ZACN: variants seen among roughly 807,000 people sequenced by gnomAD.
The protein encoded by ZACN is zinc activated ion channel.
Under a neutral mutation model 38.9 loss-of-function variants are expected in ZACN, and 52 were observed. The ratio of observed to expected loss-of-function variants is 1.34; its 90% confidence interval spans 1.07 to 1.68. The LOEUF (loss-of-function observed/expected upper bound fraction) is 1.68. Ranked by LOEUF, ZACN falls within the 40% of genes most tolerant of loss-of-function variation. The pLI is 0.00. For missense variants in ZACN, 559 were observed against 525.6 expected, an observed-to-expected ratio of 1.06 and a Z score of -0.62; for synonymous variants, 235 against 227.4, an observed-to-expected ratio of 1.03 and a Z score of -0.30.
chr17:76,081,921 G>A lies in ZACN; in HGVS notation c.920G>A (p.Ser307Asn), dbSNP rs576164907. The A allele has an allele frequency of 5.3e-5, 85 of 1,613,118 alleles. No homozygotes were observed. In the South Asian group the frequency reaches 8.6e-4, roughly 16 times the overall value. Residue 307 changes from serine (S) to asparagine (N), a missense_variant, in exon 8 of 9, where the codon AGC becomes AAC. Ser to Asn is a conservative substitution (Grantham distance 46, BLOSUM62 1). Transcript: ENST00000334586. Reference sequence around the variant, plus strand: ...ATCCTGCTGCTGCTGCTCTTCCTCAGCACCATAGAGACTGTGCTGCTGGCT... The same window carrying A: ...ATCCTGCTGCTGCTGCTCTTCCTCAACACCATAGAGACTGTGCTGCTGGCT... ...FTILLLLLFLSTIETVLLAGL... is the reference protein window; with the variant it reads ...FTILLLLLFLNTIETVLLAGL...
At position 76,079,764 on chromosome 17, in the gene ZACN, G is replaced by C. The variant is rs759113634; in HGVS notation, c.267+18G>C. The C allele has an allele frequency of 3.1e-6, 5 of 1,612,446 alleles. No individual in the cohort carries two copies. The highest frequency in any genetic ancestry group is 4.2e-6 in the Non-Finnish European group (5 of 1,179,106). ...TTAGGCTGGTGAGCTCCTATGCCTG[G>C]GGAGGTGGGATGGGAAAGCCCAGCT... On this transcript the variant is annotated intron_variant, in intron 3 of 8. Coordinates refer to ENST00000334586, the MANE Select transcript of ZACN (RefSeq NM_180990.4).
chr17:76,081,016 T>C (rs1421333826), intron 5 of ZACN: 1 of 436,988 alleles, frequency 2.3e-6, no homozygotes, highest in South Asian at 2.0e-5. Flanking sequence ...CCCTCCATCA[T>C]GAAGTGGTGC....
intron 8 of ZACN, 33 bp from the exon 9 acceptor site, chr17:76,082,430 G>C: frequency 6.4e-7 from 1 of 1,563,866 alleles, no homozygotes; most frequent in East Asian, 2.3e-5. Flanking sequence ...GGACCTTGAA[G>C]AACAGCTCCT....
rs765713187 is a variant in ZACN at position 76,079,573 on chromosome 17, T to A, written c.222+10T>A. On this transcript the variant is annotated intron_variant, in intron 2 of 8. Coordinates refer to ENST00000334586, the MANE Select transcript of ZACN (RefSeq NM_180990.4). ...CAACGTGTTTAATGTGGTAAGTGCC[T>A]CTAGGCCAAGGGCCCCAAGTGCTGA... 6.2e-7 allele frequency: 1 copy of A among 1,614,140 alleles called. No individual in the cohort carries two copies. Among genetic ancestry groups the A allele is most frequent in the Non-Finnish European group, 8.5e-7 (1 of 1,179,996 alleles).
In ZACN at chr17:76,079,279, G is replaced by A. The variant is rs1024227183; in HGVS notation, c.15G>A (p.Trp5Ter). The part of the protein sequence containing the change: MMAL[W>*]SLLHLTFLGF... ...CCGTGCAGCCGATGATGGCCCTATGGTCCCTGCTCCATCTCACCTTCCTGG... is the reference window on the plus strand; with the variant it reads ...CCGTGCAGCCGATGATGGCCCTATGATCCCTGCTCCATCTCACCTTCCTGG... The change falls in exon 1 of 9, where the codon TGG becomes TGA. Residue 5 changes from tryptophan (W) to a stop codon, truncating the protein, a stop_gained. Transcript: ENST00000334586. LOFTEE classifies it high-confidence loss of function. 6 of 1,613,600 alleles carry A rather than the reference G, an allele frequency of 3.7e-6. No individual in the cohort carries two copies. The highest frequency in any genetic ancestry group is 5.1e-6 in the Non-Finnish European group (6 of 1,179,770).
intron 5 of ZACN, 176 bp downstream of exon 5, chr17:76,080,600 A>G: frequency 4.4e-6 from 4 of 913,474 alleles, no homozygotes; most frequent in Non-Finnish European, 5.2e-6. Context: ...TTAGGCGGGC[A>G]GCACCTGCTC....
rs1208939351 is a variant in ZACN at position 76,079,978 on chromosome 17, C to T, written c.358C>T (p.Leu120Phe). The change falls in exon 4 of 9, where the codon CTC (leucine) becomes TTC (phenylalanine). Residue 120 changes from leucine (L) to phenylalanine (F), a missense_variant. Transcript: ENST00000334586. ...LPWESLWTPR[L>F]TILEALWVDW... ...CTGGGAGTCTCTCTGGACACCAAGGCTCACCATCCTGGAGGCGTAAGTGAG... is the reference window on the plus strand; with the variant it reads ...CTGGGAGTCTCTCTGGACACCAAGGTTCACCATCCTGGAGGCGTAAGTGAG... The T allele has an allele frequency of 4.4e-6, 7 of 1,585,266 alleles. No homozygotes were observed. Among genetic ancestry groups the T allele is most frequent in the South Asian group, 1.2e-5 (1 of 86,748 alleles).
chr17:76,081,651 T>C lies in ZACN; in HGVS notation c.776T>C (p.Ile259Thr), dbSNP rs1184307264. 3.1e-6 allele frequency: 5 copies of C among 1,614,150 alleles called. No individual in the cohort carries two copies. Among genetic ancestry groups the C allele is most frequent in the South Asian group, 1.1e-5 (1 of 91,090 alleles). ...VCGGLLPLRA[I>T]ERIGYKVTLL... is the part of the protein sequence containing the mutation. ...GGGGGGTTGCTGCCCCTCCGGGCCA[T>C]TGAGCGCATAGGCTACAAGGTGACA... The change falls in exon 7 of 9, where the codon ATT (isoleucine) becomes ACT (threonine). Residue 259 changes from isoleucine to threonine, a missense_variant. Physicochemically the swap from Ile to Thr is moderately conservative, Grantham distance 89. Coordinates refer to ENST00000334586, the MANE Select transcript of ZACN (RefSeq NM_180990.4).
In ZACN at chr17:76,081,402, G is replaced by A. The variant is rs145200784; in HGVS notation, c.669G>A (p.Thr223=). ...PQQLVPCFQV[T]LRLKNTALKS... ...AGCTGGTGCCCTGCTTCCAGGTGAC[G>A]GTGAGTCAAGTCGGGAGGAGGCCGA... Residue 223 remains threonine, a splice_region_variant and synonymous_variant, in exon 6 of 9, where the codon ACG becomes ACA. Transcript: ENST00000334586. The A allele has an allele frequency of 1.8e-4, 288 of 1,614,066 alleles. No homozygotes were observed. In the East Asian group the frequency reaches 3.0e-3, roughly 17 times the overall value.
chr17:76,079,284 T>C lies in ZACN; in HGVS notation c.20T>C (p.Leu7Pro), dbSNP rs749020346. Residue 7 changes from leucine (L) to proline (P), a missense_variant, in exon 1 of 9, where the codon CTG becomes CCG. Transcript: ENST00000334586. MMALWS[L>P]LHLTFLGFSI... is the part of the protein sequence containing the mutation. ...CAGCCGATGATGGCCCTATGGTCCC[T>C]GCTCCATCTCACCTTCCTGGGGTTC... The C allele has an allele frequency of 2.5e-6, 4 of 1,613,822 alleles. No individual in the cohort carries two copies. The highest frequency in any genetic ancestry group is 3.4e-6 in the Non-Finnish European group (4 of 1,179,884).
chr17:76,081,602 G>A lies in ZACN; in HGVS notation c.727G>A (p.Ala243Thr), dbSNP rs143779733. ...SIIALLVPAE[A>T]LLLADVCGGL... ...CATCGCTCTCTTGGTGCCTGCAGAG[G>A]CACTGCTGTTGGCTGACGTGTGCGG... Residue 243 changes from alanine (A) to threonine (T), a missense_variant, in exon 7 of 9, where the codon GCA becomes ACA. Ala to Thr is a moderately conservative substitution (Grantham distance 58). Transcript: ENST00000334586. The A allele has an allele frequency of 2.5e-4, 401 of 1,614,024 alleles. 1 individual carries two copies. In the Middle Eastern group the frequency reaches 2.6e-3, roughly 11 times the overall value.
In ZACN at chr17:76,082,711, G is replaced by T; in HGVS notation, c.*58G>T. 1 of 1,511,024 alleles carries T rather than the reference G, an allele frequency of 6.6e-7. No individual in the cohort carries two copies. The highest frequency in any genetic ancestry group is 8.9e-7 in the Non-Finnish European group (1 of 1,127,798). 93.6% of individuals were successfully genotyped at this position (1,511,024 alleles called of 1,614,324 possible). On this transcript the variant is annotated 3_prime_UTR_variant, in exon 9 of 9. Coordinates refer to ENST00000334586, the MANE Select transcript of ZACN (RefSeq NM_180990.4). ...GAAGTTTGCTTTCCCATGGCTGGGGGCGGGCCATGACAGGGCCTCTGGATT... is the reference window on the plus strand; with the variant it reads ...GAAGTTTGCTTTCCCATGGCTGGGGTCGGGCCATGACAGGGCCTCTGGATT...
chr17:76,081,294 C>G lies in ZACN; in HGVS notation c.561C>G (p.Phe187Leu), dbSNP rs1261209721. The part of the protein sequence containing the change: ...ALSNTAMELE[F>L]QAHVVNEIVS... ...ACCCCTCAGCGATGGAGTTAGAGTT[C>G]CAGGCCCACGTGGTGAACGAGATTG... The change falls in exon 6 of 9, where the codon TTC (phenylalanine) becomes TTG (leucine). Residue 187 changes from phenylalanine to leucine, a missense_variant. Physicochemically the swap from Phe to Leu is conservative, Grantham distance 22 (BLOSUM62 0). Transcript: ENST00000334586. The G allele has an allele frequency of 4.3e-6, 7 of 1,613,856 alleles. No individual in the cohort carries two copies. The highest frequency in any genetic ancestry group is 5.9e-6 in the Non-Finnish European group (7 of 1,180,016).
In ZACN at chr17:76,081,347, A is replaced by C. The variant is rs2066962888; in HGVS notation, c.614A>C (p.Tyr205Ser). 1 of 1,614,158 alleles carries C rather than the reference A, an allele frequency of 6.2e-7. No individual in the cohort carries two copies. Among genetic ancestry groups the C allele is most frequent in the East Asian group, 2.2e-5 (1 of 44,880 alleles). Reference sequence around the variant, plus strand: ...AGTGTCAAGAGGGAATACGTAGTTTATGATCTGAAGACCCAAGTCCCACCC... The same window carrying C: ...AGTGTCAAGAGGGAATACGTAGTTTCTGATCTGAAGACCCAAGTCCCACCC... The part of the protein sequence containing the change: ...IVSVKREYVV[Y>S]DLKTQVPPQQ... The change falls in exon 6 of 9, where the codon TAT (tyrosine) becomes TCT (serine). Residue 205 changes from tyrosine (Y) to serine (S), a missense_variant. Coordinates refer to ENST00000334586, the MANE Select transcript of ZACN (RefSeq NM_180990.4).
Position 76,082,706 on chromosome 17 carries a change from TGGGGGC to T in ZACN, c.*57_*62del. On this transcript the variant is annotated 3_prime_UTR_variant, in exon 9 of 9. Transcript: ENST00000334586. ...AGGATGAAGTTTGCTTTCCCATGGC[TGGGGGC>T]GGGCCATGACAGGGCCTCTGGATTA... 1 of 1,523,322 alleles carries T rather than the reference TGGGGGC, an allele frequency of 6.6e-7. No homozygotes were observed. The highest frequency in any genetic ancestry group is 8.8e-7 in the Non-Finnish European group (1 of 1,134,644). The allele number at this position is 1,523,322 out of a possible 1,614,324, so 94.4% of individuals were successfully genotyped here. A position where few individuals can be genotyped will look rare whatever the true frequency, so the allele number is the denominator to read the frequency against.
rs367895945 is a variant in ZACN at position 76,081,892 on chromosome 17, C to A, written c.891C>A (p.Phe297Leu). 1 of 1,610,128 alleles carries A rather than the reference C, an allele frequency of 6.2e-7. No homozygotes were observed. The highest frequency in any genetic ancestry group is 8.5e-7 in the Non-Finnish European group (1 of 1,177,606). ...CCCTGCCTCCCCCAGTTTACTACTT[C>A]ACCATCCTGCTGCTGCTGCTCTTCC... Reference protein sequence around the residue: ...SSCNPLLIYYFTILLLLLFLS... With the variant: ...SSCNPLLIYYLTILLLLLFLS... Residue 297 changes from phenylalanine to leucine, a missense_variant, in exon 8 of 9, where the codon TTC (phenylalanine) becomes TTA (leucine). Phe to Leu is a conservative substitution (Grantham distance 22). Coordinates refer to ENST00000334586, the MANE Select transcript of ZACN (RefSeq NM_180990.4).
At chr17:76,079,855 G>A (rs1304076135) in intron 3 of ZACN, 33 bp from the exon 4 acceptor site, 14 of 1,589,694 alleles carry the variant, frequency 8.8e-6, no homozygotes, top group South Asian at 1.1e-5. Context: ...TATGTGGAGA[G>A]CAGGAGCCTC....
At position 76,080,697 on chromosome 17, in the gene ZACN, C is replaced by G. The variant is rs111303763; in HGVS notation, c.544+273C>G. The G allele has an allele frequency of 5.3e-4, 316 of 592,818 alleles. 3 individuals carry two copies. The highest frequency in any genetic ancestry group is 5.1e-3 in the African/African-American group (280 of 54,956). 36.7% of individuals were successfully genotyped at this position (592,818 alleles called of 1,614,324 possible). On this transcript the variant is annotated intron_variant, in intron 5 of 8. Coordinates refer to ENST00000334586, the MANE Select transcript of ZACN (RefSeq NM_180990.4). ...CCCTCTCTAGGGTGACAGACTCAAA[C>G]ATTCGCAGCAGCTCTGCAATCCCAG...
At chr17:76,082,085 G>T in intron 8 of ZACN, 36 bp downstream of exon 8, 1 of 1,562,044 alleles carries the variant, frequency 6.4e-7, no homozygotes, top group Admixed American at 2.1e-5. Context: ...ATGAGGCCTA[G>T]GTGCACACCT....
Sources: allele counts gnomAD v4.1 joint callset, GRCh38; gene constraint gnomAD v4.1.1; transcripts MANE v1.5; gene names NCBI Gene and HGNC (gene_info 2026-07-23, HGNC 2026-07-21).